ANKIB1: variants seen among roughly 807,000 people sequenced by gnomAD.
The protein encoded by ANKIB1 is ankyrin repeat and IBR domain containing 1, also known as ankyrin repeat and IBR domain-containing protein 1.
Under a neutral mutation model 122.1 loss-of-function variants are expected in ANKIB1, and 43 were observed. The observed-to-expected ratio is 0.35, with a 90% confidence interval of 0.28 to 0.45. The LOEUF is 0.45. Ranked by LOEUF, ANKIB1 falls within the 20% of genes least tolerant of loss-of-function variation. ANKIB1 has a pLI of 1.00. For missense variants in ANKIB1, 992 were observed against 1,329.5 expected (o/e 0.75, Z 3.95); for synonymous variants, 390 against 442.0 (o/e 0.88, Z 1.48).
In ANKIB1 at chr7:92,381,199, T is replaced by A. The variant is rs368631351; in HGVS notation, c.1618-5310T>A. 3.3e-5 allele frequency among the ~76,000 whole-genome samples: 5 copies of A among 150,700 alleles called. 1 individual carries two copies. Among genetic ancestry groups the A allele is most frequent in the Non-Finnish European group, 1.5e-5 (1 of 67,556 alleles). ...GTAGGGAAGTTGGGAGAAAAAAGAG[T>A]AAAAAGAAATGAACGAAGCCTCCAA... On this transcript the variant is annotated intron_variant, in intron 11 of 19. Transcript: ENST00000265742.
rs777348658 is a variant in ANKIB1, at chr7:92,246,342, A to C, written c.-268A>C. ...GGGCCGCCAGTGCGCACCCTCGGCC[A>C]CATCAGCCTCCGCCTGGCGGGTGCA... is the stretch of plus-strand genomic sequence containing the variant. On this transcript the variant is annotated 5_prime_UTR_variant, in exon 1 of 20. Transcript: ENST00000265742. The C allele has an allele frequency of 5.9e-5, 26 of 444,012 alleles. No homozygotes were observed. Among genetic ancestry groups the C allele is most frequent in the Non-Finnish European group, 1.1e-4 (25 of 222,852 alleles). The allele number at this position is 444,012 out of a possible 1,614,324, so 27.5% of individuals were successfully genotyped here.
At chr7:92,293,872 A>G (rs1215932450) in intron 1 of ANKIB1, among the ~76,000 whole-genome samples, 4 of 152,178 alleles carry the variant, frequency 2.6e-5, no homozygotes, top group South Asian at 2.1e-4. Flanking sequence ...GAATAGATCC[A>G]GAAACAACGT....
At chr7:92,325,526 G>A (rs1803008122) in intron 4 of ANKIB1, among the ~76,000 whole-genome samples, 1 of 152,116 alleles carries the variant, frequency 6.6e-6, no homozygotes, top group African/African-American at 2.4e-5. Context: ...CAGCTAATGA[G>A]AGATTGCTGT....
intron 9 of ANKIB1, among the ~76,000 whole-genome samples, chr7:92,358,438 G>A (rs777222446): frequency 1.3e-5 from 2 of 152,072 alleles, no homozygotes; most frequent in Non-Finnish European, 2.9e-5. Context: ...GTGTCCTCCT[G>A]TGAGGTTCTG....
In ANKIB1 at chr7:92,288,057, A is replaced by C. The variant is rs867903057; in HGVS notation, c.-90-6832A>C. On this transcript the variant is annotated intron_variant, in intron 1 of 19. Coordinates refer to ENST00000265742, the MANE Select transcript of ANKIB1 (RefSeq NM_019004.2). ...TCTCAAAAAAAAAAAAAAAAAAAAA[A>C]CTGCCACCATTCATGGATAATACAA... 6.6e-3 allele frequency among the ~76,000 whole-genome samples: 941 copies of C among 143,480 alleles called. 10 individuals are homozygous for C. The highest frequency in any genetic ancestry group is 0.023 in the African/African-American group (894 of 38,456). The allele number at this position is 143,480 out of a possible 152,430, so 94.1% of individuals were successfully genotyped here.
At chr7:92,395,878 A>G (rs1393450093) in intron 17 of ANKIB1, 4 of 156,568 alleles carry the variant, frequency 2.6e-5, no homozygotes, top group African/African-American at 9.7e-5. Flanking sequence ...TCCAGTTTCA[A>G]TGGCTCACAC....
At chr7:92,326,761 CT>C (rs1357480600) in intron 4 of ANKIB1, among the ~76,000 whole-genome samples, 1 of 151,914 alleles carries the variant, frequency 6.6e-6, no homozygotes, top group Non-Finnish European at 1.5e-5. Flanking sequence ...CTCTTTCTCT[CT>C]TATTTAATAG....
rs777578641 is a variant in ANKIB1, at chr7:92,337,428, CT to C, written c.788-5591del. ...AGGAGTAATTTTTTAGATTGTCTTA[CT>C]TTTTCCAGATCTTTTTTAAAAATGA... is the stretch of plus-strand genomic sequence containing the variant. On this transcript the variant is annotated intron_variant, in intron 5 of 19. Coordinates refer to ENST00000265742, the MANE Select transcript of ANKIB1 (RefSeq NM_019004.2). 4.6e-5 allele frequency among the ~76,000 whole-genome samples: 7 copies of C among 152,142 alleles called. No individual in the cohort carries two copies. In the East Asian group the frequency reaches 1.2e-3, roughly 25 times the overall value.
At chr7:92,280,829 G>A (rs1166974586) in intron 1 of ANKIB1, among the ~76,000 whole-genome samples, 2 of 152,134 alleles carry the variant, frequency 1.3e-5, no homozygotes, top group Non-Finnish European at 2.9e-5. Context: ...TAGCTGCCCA[G>A]GCATCAAAGT....
intron 1 of ANKIB1, among the ~76,000 whole-genome samples, chr7:92,246,877 G>A (rs947950572): frequency 6.6e-6 from 1 of 152,184 alleles, no homozygotes; most frequent in Non-Finnish European, 1.5e-5. Context: ...GCCGACCTCG[G>A]GGGCTAGAGA....
intron 1 of ANKIB1, among the ~76,000 whole-genome samples, chr7:92,251,468 T>C (rs1801329950): frequency 6.6e-6 from 1 of 152,220 alleles, no homozygotes; most frequent in Admixed American, 6.5e-5. Flanking sequence ...CTAGATGTTC[T>C]ATATCACATC....
At position 92,267,358 on chromosome 7, in the gene ANKIB1, C is replaced by T. The variant is rs190320839; in HGVS notation, c.-91+20839C>T. Among the ~76,000 whole-genome samples the T allele has an allele frequency of 2.4e-3, 368 of 152,052 alleles. 2 individuals are homozygous for T. Among genetic ancestry groups the T allele is most frequent in the Non-Finnish European group, 4.5e-3 (305 of 67,966 alleles). On this transcript the variant is annotated intron_variant, in intron 1 of 19. Transcript: ENST00000265742. Reference sequence around the variant, plus strand: ...AGATATAGAGAAATATAACTAGTACCCCAGAAGCCTTCCCTCATCCATCCA... The same window carrying T: ...AGATATAGAGAAATATAACTAGTACTCCAGAAGCCTTCCCTCATCCATCCA...
chr7:92,360,498 A>G (rs549047570), intron 9 of ANKIB1, among the ~76,000 whole-genome samples: 1 of 152,248 alleles, frequency 6.6e-6, no homozygotes, highest in South Asian at 2.1e-4. Flanking sequence ...TCATCTGTTG[A>G]TAGACACTTG....
At chr7:92,385,519 G>A (rs574549933) in intron 11 of ANKIB1, among the ~76,000 whole-genome samples, 122 of 152,164 alleles carry the variant, frequency 8.0e-4, no homozygotes, top group Middle Eastern at 3.4e-3. Flanking sequence ...AAGAAAATGT[G>A]GTACATATAC....
At chr7:92,272,927 T>C (rs1219972471) in intron 1 of ANKIB1, among the ~76,000 whole-genome samples, 2 of 152,178 alleles carry the variant, frequency 1.3e-5, no homozygotes, top group African/African-American at 4.8e-5. Flanking sequence ...CTGAATGCTG[T>C]AGGCAGTTGT....
chr7:92,396,851 G>A (rs1421489345), intron 18 of ANKIB1, among the ~76,000 whole-genome samples: 1 of 152,232 alleles, frequency 6.6e-6, no homozygotes, highest in Middle Eastern at 3.4e-3. Context: ...TCAGTTAATT[G>A]TAGTATTGAT....
intron 11 of ANKIB1, among the ~76,000 whole-genome samples, chr7:92,375,098 G>T (rs1330682742): frequency 6.6e-6 from 1 of 152,114 alleles, no homozygotes; most frequent in East Asian, 1.9e-4. Context: ...ATTTTTTAAA[G>T]TACATACCTT....
At chr7:92,345,165 A>G in intron 7 of ANKIB1, 99 bp downstream of exon 7, 1 of 821,864 alleles carries the variant, frequency 1.2e-6, no homozygotes, top group Non-Finnish European at 2.0e-6. Context: ...CAAATTGTTT[A>G]TATTGACTTC....
At chr7:92,321,385 G>GT (rs943993699) in intron 4 of ANKIB1, among the ~76,000 whole-genome samples, 1 of 151,940 alleles carries the variant, frequency 6.6e-6, no homozygotes, top group Non-Finnish European at 1.5e-5. Flanking sequence ...TATACCCCCT[G>GT]TTTATTTTTC....
Sources: allele counts gnomAD v4.1 joint callset (sites outside exome capture counted in the v4.1 genomes callset), GRCh38; gene constraint gnomAD v4.1.1; transcripts MANE v1.5; gene names NCBI Gene and HGNC (gene_info 2026-07-23, HGNC 2026-07-21).